MYT1L: variants seen among roughly 807,000 people sequenced by gnomAD.
MYT1L encodes myelin transcription factor 1-like protein.
A neutral mutation model predicts 126.7 loss-of-function variants in MYT1L; 12 were observed. The ratio of observed to expected loss-of-function variants is 0.09; its 90% CI spans 0.06 to 0.15. The LOEUF (loss-of-function observed/expected upper bound fraction) is 0.15, where lower values mean the gene tolerates loss of function less well. Ranked by LOEUF, MYT1L falls within the 10% of genes least tolerant of loss-of-function variation. The pLI, the probability that MYT1L is intolerant of heterozygous loss-of-function variation, is 1.00. For synonymous variants in MYT1L, 541 were observed against 604.2 expected (o/e 0.90, Z 1.53); for missense variants, 979 against 1,585.2 (o/e 0.62, Z 6.49).
At chr2:2,253,236 C>T (rs1375362763) in intron 2 of MYT1L, among the ~76,000 whole-genome samples, 1 of 152,244 alleles carries the variant, frequency 6.6e-6, no homozygotes. Context: ...TCCATTCCAG[C>T]TGCAGCTTTT....
intron 3 of MYT1L, among the ~76,000 whole-genome samples, chr2:2,114,114 C>G (rs2147788135): frequency 6.6e-6 from 1 of 152,318 alleles, no homozygotes; most frequent in East Asian, 1.9e-4. Flanking sequence ...TGTGTCAGAT[C>G]CCAGCATAAG....
intron 13 of MYT1L, among the ~76,000 whole-genome samples, chr2:1,906,824 T>C (rs577393965): frequency 1.3e-5 from 2 of 151,940 alleles, no homozygotes; most frequent in Non-Finnish European, 2.9e-5. Context: ...ATGCCTGTAA[T>C]CCCAACACTT....
intron 2 of MYT1L, among the ~76,000 whole-genome samples, chr2:2,256,646 A>G (rs13034457): frequency 0.42 from 64,474 of 152,110 alleles, 14,391 homozygotes; most frequent in East Asian, 0.82. Context: ...GAAGAAACTG[A>G]GTGCAGGACA....
intron 13 of MYT1L, 60 bp from the exon 14 acceptor site, chr2:1,903,354 G>A: frequency 1.5e-5 from 20 of 1,352,020 alleles, no homozygotes; most frequent in Non-Finnish European, 2.1e-5. Context: ...TACACGACGA[G>A]CTTCACATTA....
At chr2:2,302,996 A>G (rs2095806364) in intron 1 of MYT1L, among the ~76,000 whole-genome samples, 1 of 152,162 alleles carries the variant, frequency 6.6e-6, no homozygotes, top group African/African-American at 2.4e-5. Flanking sequence ...TTCAACTTAC[A>G]TTTACTCATC....
chr2:2,033,508 G>A (rs531158239), intron 4 of MYT1L, among the ~76,000 whole-genome samples: 1 of 152,202 alleles, frequency 6.6e-6, no homozygotes, highest in Non-Finnish European at 1.5e-5. Flanking sequence ...GGACCTGGGG[G>A]CACGCCAGGT....
chr2:2,015,758 G>A (rs2064315621), intron 4 of MYT1L, among the ~76,000 whole-genome samples: 1 of 152,208 alleles, frequency 6.6e-6, no homozygotes, highest in Non-Finnish European at 1.5e-5. Flanking sequence ...CTCTGCCCCG[G>A]GTTCCAGGAC....
At chr2:2,173,270 A>G (rs1318444788) in intron 2 of MYT1L, among the ~76,000 whole-genome samples, 1 of 152,240 alleles carries the variant, frequency 6.6e-6, no homozygotes, top group Non-Finnish European at 1.5e-5. Flanking sequence ...GTAAAACCAT[A>G]TGCACTTAAT....
intron 8 of MYT1L, among the ~76,000 whole-genome samples, chr2:1,967,444 C>A (rs113778369): frequency 7.2e-5 from 11 of 152,298 alleles, no homozygotes; most frequent in African/African-American, 2.6e-4. Context: ...TGAACGCGTG[C>A]TAAAGGGCCC....
At chr2:2,252,362 CG>C (rs1451249029) in intron 2 of MYT1L, among the ~76,000 whole-genome samples, 1 of 152,150 alleles carries the variant, frequency 6.6e-6, no homozygotes, top group Non-Finnish European at 1.5e-5. Context: ...GGAAACCTCT[CG>C]GGATCTCAGC....
At chr2:2,045,473 T>C (rs1283203666) in intron 4 of MYT1L, among the ~76,000 whole-genome samples, 2 of 152,144 alleles carry the variant, frequency 1.3e-5, no homozygotes, top group East Asian at 3.9e-4. Context: ...TAGAGCATCA[T>C]CAAAACCACC....
At chr2:2,302,220 G>T (rs1397468798) in intron 1 of MYT1L, among the ~76,000 whole-genome samples, 1 of 152,206 alleles carries the variant, frequency 6.6e-6, no homozygotes, top group Non-Finnish European at 1.5e-5. Flanking sequence ...GCAGAATATT[G>T]AAATAGAAAT....
intron 9 of MYT1L, among the ~76,000 whole-genome samples, chr2:1,939,591 G>A (rs1039480344): frequency 3.3e-5 from 5 of 152,216 alleles, no homozygotes; most frequent in Admixed American, 1.3e-4. Flanking sequence ...AGTGAGTAAC[G>A]TGCTCAACAA....
At chr2:1,849,336 T>A (rs1267437668) in intron 19 of MYT1L, among the ~76,000 whole-genome samples, 1 of 134,272 alleles carries the variant, frequency 7.4e-6, no homozygotes, top group African/African-American at 3.1e-5. Context: ...GTATATTTAA[T>A]TGGAGTTTTA....
Position 1,982,409 on chromosome 2 carries a change from G to A in MYT1L, c.1-2632C>T, listed in dbSNP as rs542438253. On this transcript the variant is annotated intron_variant, in intron 5 of 24. Coordinates refer to ENST00000647738, the MANE Select transcript of MYT1L (RefSeq NM_001303052.2). The stretch of plus-strand genomic sequence containing the variant: ...AACATTTAATGAAGGCCTATAAGTT[G>A]AGAAACATTCTCCGGGGGTGTAGTG... Among the ~76,000 whole-genome samples, 3 of 152,310 alleles carry A rather than the reference G, an allele frequency of 2.0e-5. No individual in the cohort carries two copies. The South Asian group carries it at 6.2e-4, about 32-fold the overall frequency.
At chr2:1,808,939 T>C (rs1257085341) in intron 22 of MYT1L, 137 bp downstream of exon 22, 1 of 746,898 alleles carries the variant, frequency 1.3e-6, no homozygotes, top group Admixed American at 2.3e-5. Flanking sequence ...GCTTTATAGA[T>C]GAGAGGGCCA....
At chr2:1,899,579 C>T (rs780200165) in intron 14 of MYT1L, among the ~76,000 whole-genome samples, 1 of 152,186 alleles carries the variant, frequency 6.6e-6, no homozygotes. Context: ...CCTCAGCAGC[C>T]CCCGCAGCTT....
chr2:2,237,891 G>C (rs2094356728), intron 2 of MYT1L, among the ~76,000 whole-genome samples: 1 of 152,152 alleles, frequency 6.6e-6, no homozygotes, highest in Admixed American at 6.5e-5. Context: ...GCGGTCACCT[G>C]CAACTCCCCT....
intron 21 of MYT1L, among the ~76,000 whole-genome samples, chr2:1,821,711 G>C (rs1391539820): frequency 6.6e-6 from 1 of 152,206 alleles, no homozygotes; most frequent in African/African-American, 2.4e-5. Context: ...TCTTGAATCT[G>C]TTGGTTCTAG....
Sources: allele counts gnomAD v4.1 joint callset (sites outside exome capture counted in the v4.1 genomes callset), GRCh38; gene constraint gnomAD v4.1.1; transcripts MANE v1.5; gene names NCBI Gene and HGNC (gene_info 2026-07-23, HGNC 2026-07-21).